Variants in DENND2B observed in about 807,000 individuals in gnomAD.
DENND2B encodes DENN domain-containing protein 2B.
Under a neutral mutation model 116.0 loss-of-function variants are expected in DENND2B, and 32 were observed. The observed-to-expected ratio is 0.28, with a 90% CI of 0.21 to 0.37. The LOEUF (loss-of-function observed/expected upper bound fraction) is 0.37. Among genes scored for constraint, DENND2B ranks in the 10% least tolerant of loss-of-function variants. DENND2B has a pLI of 1.00. For missense variants in DENND2B, 1,276 were observed against 1,477.7 expected (o/e 0.86, Z 2.24); for synonymous variants, 588 against 583.9 (o/e 1.01, Z -0.10).
intron 11 of DENND2B, among the ~76,000 whole-genome samples, chr11:8,710,034 T>C (rs2043320364): frequency 6.6e-6 from 1 of 152,152 alleles, no homozygotes; most frequent in Non-Finnish European, 1.5e-5. Flanking sequence ...GATAAGTGTT[T>C]CTGAATGAAT....
chr11:8,885,057 G>T (rs1189437210), intron 1 of DENND2B, among the ~76,000 whole-genome samples: 7 of 152,148 alleles, frequency 4.6e-5, no homozygotes, highest in African/African-American at 1.7e-4. Flanking sequence ...GTACCTGTGT[G>T]ACAACCTCCT....
chr11:8,700,181 A>AG (rs2041287535), intron 14 of DENND2B, among the ~76,000 whole-genome samples: 1 of 152,198 alleles, frequency 6.6e-6, no homozygotes, highest in African/African-American at 2.4e-5. Context: ...AGGCCAGGCC[A>AG]GGGCACCAAA....
intron 4 of DENND2B, among the ~76,000 whole-genome samples, chr11:8,719,834 G>A (rs1020655040): frequency 3.3e-5 from 5 of 152,152 alleles, no homozygotes; most frequent in African/African-American, 4.8e-5. Context: ...TCAACAAATC[G>A]AAACTGCCTT....
intron 1 of DENND2B, among the ~76,000 whole-genome samples, chr11:8,908,394 T>C (rs2064266322): frequency 1.3e-5 from 2 of 152,324 alleles, no homozygotes; most frequent in African/African-American, 4.8e-5. Flanking sequence ...GAGCATATTT[T>C]GGGAGACCAG....
At position 8,715,824 on chromosome 11, in the gene DENND2B, G is replaced by A. The variant is rs199929491; in HGVS notation, c.1630-6C>T. The stretch of plus-strand genomic sequence containing the variant: ...CTGTTGGGTTTCAGGGAAAGCTGGC[G>A]TGGGGGAGAGGACGTGCGAGAGGGG... On this transcript the variant is annotated splice_polypyrimidine_tract_variant and splice_region_variant and intron_variant, in intron 5 of 19. Transcript: ENST00000313726. The A allele has an allele frequency of 4.2e-5, 67 of 1,592,696 alleles. No homozygotes were observed. In the East Asian group the frequency reaches 1.1e-3, roughly 26 times the overall value.
rs71059187 is a variant in DENND2B at position 8,854,016 on chromosome 11, A to ATTTTTT, written c.-156+3321_-156+3326dup. On this transcript the variant is annotated intron_variant, in intron 3 of 6. Coordinates refer to the DENND2B transcript ENST00000524757. ...GGTGAATGCCACCATGCCCCAGTTA[A>ATTTTTT]TTTTTTTTTTTTTTTTTTTTTTTTT... Among the ~76,000 whole-genome samples, 493 of 62,760 alleles carry ATTTTTT rather than the reference A, an allele frequency of 7.9e-3. 36 individuals carry two copies. Among genetic ancestry groups the ATTTTTT allele is most frequent in the African/African-American group, 1.0e-2 (160 of 16,070 alleles). 41.2% of individuals were successfully genotyped at this position (62,760 alleles called of 152,430 possible). A position where few individuals can be genotyped will look rare whatever the true frequency, so the allele number is the denominator to read the frequency against.
chr11:8,729,595 A>G (rs925380720), intron 3 of DENND2B, among the ~76,000 whole-genome samples: 4 of 152,152 alleles, frequency 2.6e-5, no homozygotes, highest in African/African-American at 7.2e-5. Flanking sequence ...CTAAGATCCT[A>G]CTACTCCGCA....
rs557936456 is a variant in DENND2B, at chr11:8,803,869, G to C, written c.-26+6648C>G. Among the ~76,000 whole-genome samples the C allele has an allele frequency of 6.6e-5, 10 of 152,314 alleles. No homozygotes were observed. In the South Asian group the frequency reaches 8.3e-4, roughly 13 times the overall value. On this transcript the variant is annotated intron_variant, in intron 1 of 19. Coordinates refer to ENST00000313726, the MANE Select transcript of DENND2B (RefSeq NM_213618.2). ...TAAGCTGCATCTGGAAGGGTACAAG[G>C]GCAGTATTTGTGGAAGCAGGGGTAA...
chr11:8,795,367 C>G (rs942602331), intron 1 of DENND2B, among the ~76,000 whole-genome samples: 1 of 152,160 alleles, frequency 6.6e-6, no homozygotes, highest in Non-Finnish European at 1.5e-5. Context: ...GCTGCCAAGC[C>G]TCTTAAGCAG....
At chr11:8,744,963 C>G (rs1474028327) in intron 2 of DENND2B, among the ~76,000 whole-genome samples, 1 of 151,622 alleles carries the variant, frequency 6.6e-6, no homozygotes, top group Non-Finnish European at 1.5e-5. Context: ...AGTCTATGCC[C>G]AAGCTGAAGT....
chr11:8,694,628 C>T (rs1176555845), intron 19 of DENND2B: 3 of 456,332 alleles, frequency 6.6e-6, no homozygotes, highest in Admixed American at 2.4e-5. Context: ...ATGAGTTCTG[C>T]GTCCATGGGT....
intron 2 of DENND2B, among the ~76,000 whole-genome samples, chr11:8,862,302 A>T (rs1279827617): frequency 6.6e-6 from 1 of 150,550 alleles, no homozygotes; most frequent in Non-Finnish European, 1.5e-5. Context: ...AGTGAGGGGA[A>T]AAAGATTAAC....
At chr11:8,894,362 C>T (rs563783205) in intron 1 of DENND2B, among the ~76,000 whole-genome samples, 1 of 152,054 alleles carries the variant, frequency 6.6e-6, no homozygotes, top group Non-Finnish European at 1.5e-5. Context: ...TCTAAAACAC[C>T]AAAAGCAATG....
At position 8,720,645 on chromosome 11, in the gene DENND2B, T is replaced by G. The variant is rs554980393; in HGVS notation, c.1478-2753A>C. On this transcript the variant is annotated intron_variant, in intron 4 of 19. Transcript: ENST00000313726. ...CCTCAGCTTGGTCCCTTCACTGCCC[T>G]AACTCATCTCTCAGCTTCCTGGACC... 2.0e-5 allele frequency among the ~76,000 whole-genome samples: 3 copies of G among 152,324 alleles called. No homozygotes were observed. The East Asian group carries it at 5.8e-4, about 29-fold the overall frequency.
intron 4 of DENND2B, among the ~76,000 whole-genome samples, chr11:8,828,410 G>C (rs2062061749): frequency 1.3e-5 from 2 of 152,116 alleles, no homozygotes; most frequent in Non-Finnish European, 2.9e-5. Flanking sequence ...CACTTCTCTG[G>C]TTTGTCTTCA....
At chr11:8,794,075 T>G (rs2059611218) in intron 1 of DENND2B, among the ~76,000 whole-genome samples, 1 of 152,242 alleles carries the variant, frequency 6.6e-6, no homozygotes, top group South Asian at 2.1e-4. Flanking sequence ...ATGCTCATAT[T>G]CTGCCTTACG....
intron 4 of DENND2B, among the ~76,000 whole-genome samples, chr11:8,721,516 G>A (rs2046183401): frequency 7.2e-6 from 1 of 139,528 alleles, no homozygotes; most frequent in South Asian, 2.4e-4. Flanking sequence ...ACCTCCGTCC[G>A]GTTCCAACCA....
Position 8,699,394 on chromosome 11 carries a change from A to T in DENND2B, c.2721-4T>A. ...GTGGGAGCAGCTGGAGAGGGTACTGATGGGCAGACAGAGAGACAGAGTACC... is the reference window on the plus strand; with the variant it reads ...GTGGGAGCAGCTGGAGAGGGTACTGTTGGGCAGACAGAGAGACAGAGTACC... On this transcript the variant is annotated splice_polypyrimidine_tract_variant and splice_region_variant and intron_variant, in intron 14 of 19. Transcript: ENST00000313726. The T allele has an allele frequency of 6.3e-7, 1 of 1,592,228 alleles. No homozygotes were observed. The highest frequency in any genetic ancestry group is 8.5e-7 in the Non-Finnish European group (1 of 1,174,298).
chr11:8,801,252 A>G (rs1249576572), intron 1 of DENND2B, among the ~76,000 whole-genome samples: 20 of 151,982 alleles, frequency 1.3e-4, no homozygotes, highest in Admixed American at 1.2e-3. Context: ...AAGGTACAGG[A>G]GCTCCGATCT....
Sources: allele counts gnomAD v4.1 joint callset (sites outside exome capture counted in the v4.1 genomes callset), GRCh38; gene constraint gnomAD v4.1.1; transcripts MANE v1.5; gene names NCBI Gene and HGNC (gene_info 2026-07-23, HGNC 2026-07-21).